The following TRDN variants were observed in gnomAD, a reference collection of about 807,000 sequenced individuals.
The protein encoded by TRDN is triadin, also known as triadin in skeletal muscle.
Under a neutral mutation model 149.7 loss-of-function variants are expected in TRDN, and 161 were observed. The observed-to-expected ratio is 1.08, with a 90% CI of 0.95 to 1.23. TRDN has a LOEUF of 1.23. TRDN is among the 50% of genes most tolerant of loss of function. TRDN has a pLI of 0.00. For synonymous variants in TRDN, 294 were observed against 250.5 expected (o/e 1.17, Z -1.64); for missense variants, 896 against 823.5 (o/e 1.09, Z -1.08).
At chr6:123,325,065 T>C (rs1180426114) in intron 23 of TRDN, among the ~76,000 whole-genome samples, 1 of 152,166 alleles carries the variant, frequency 6.6e-6, no homozygotes, top group Non-Finnish European at 1.5e-5. Flanking sequence ...TCTTCCTTCA[T>C]GCCTAGCAAA....
At chr6:123,530,846 A>C (rs1465295875) in intron 4 of TRDN, among the ~76,000 whole-genome samples, 1 of 151,914 alleles carries the variant, frequency 6.6e-6, no homozygotes, top group Non-Finnish European at 1.5e-5. Context: ...TCAGTGCTAA[A>C]ATTGGTCACA....
At chr6:123,427,637 TAAA>T (rs1774176651) in intron 12 of TRDN, among the ~76,000 whole-genome samples, 1 of 152,098 alleles carries the variant, frequency 6.6e-6, no homozygotes, top group African/African-American at 2.4e-5. Context: ...TTAGGGATAA[TAAA>T]AAGTAAGTCT....
rs371968756 is a variant in TRDN, at chr6:123,525,503, A to T, written c.484+5003T>A. Among the ~76,000 whole-genome samples, 3 of 152,174 alleles carry T rather than the reference A, an allele frequency of 2.0e-5. No individual in the cohort carries two copies. In the East Asian group the frequency reaches 5.8e-4, roughly 29 times the overall value. On this transcript the variant is annotated intron_variant, in intron 5 of 40. Transcript: ENST00000334268. Reference sequence around the variant, plus strand: ...TCACTTACAATTGCTACACATAGACATAAAGACGGAAATAACAGACACTAG... The same window carrying T: ...TCACTTACAATTGCTACACATAGACTTAAAGACGGAAATAACAGACACTAG...
intron 8 of TRDN, among the ~76,000 whole-genome samples, chr6:123,497,813 G>C (rs1050298768): frequency 1.3e-5 from 2 of 152,136 alleles, no homozygotes; most frequent in African/African-American, 4.8e-5. Flanking sequence ...ATCAAGAACA[G>C]AGTAACAGAA....
intron 12 of TRDN, among the ~76,000 whole-genome samples, chr6:123,424,529 T>C (rs1196635348): frequency 6.6e-6 from 1 of 152,180 alleles, no homozygotes; most frequent in East Asian, 1.9e-4. Context: ...CGCTAATTGG[T>C]CTTGTCATTT....
At chr6:123,447,891 G>A (rs1775489040) in intron 10 of TRDN, among the ~76,000 whole-genome samples, 2 of 152,140 alleles carry the variant, frequency 1.3e-5, no homozygotes. Context: ...TGCAGGACCT[G>A]GGAGTCACCT....
At chr6:123,552,691 G>A (rs1781457485) in intron 2 of TRDN, among the ~76,000 whole-genome samples, 1 of 152,116 alleles carries the variant, frequency 6.6e-6, no homozygotes, top group South Asian at 2.1e-4. Context: ...AACTCTGCCT[G>A]AAAATATTAT....
Position 123,217,736 on chromosome 6 carries a change from A to G in TRDN, c.*865T>C, listed in dbSNP as rs1465087995. ...CACAGAAAGAATGTATTAAAGTGAA[A>G]TGAAAATATTTTTATATTTGTCACC... is the stretch of plus-strand genomic sequence containing the variant. On this transcript the variant is annotated 3_prime_UTR_variant, in exon 41 of 41. Coordinates refer to ENST00000334268, the MANE Select transcript of TRDN (RefSeq NM_006073.4). The G allele has an allele frequency of 6.6e-6, 1 of 152,066 alleles. No individual in the cohort carries two copies. The highest frequency in any genetic ancestry group is 6.6e-5 in the Admixed American group (1 of 15,228). The allele number at this position is 152,066 out of a possible 1,614,324, so 9.4% of individuals were successfully genotyped here.
intron 31 of TRDN, 123 bp from the exon 32 acceptor site, chr6:123,267,874 A>T: frequency 1.5e-6 from 1 of 671,474 alleles, no homozygotes. Context: ...ATTTTCATGT[A>T]ATTTGAAACA....
At chr6:123,561,122 G>T (rs1227860391) in intron 2 of TRDN, among the ~76,000 whole-genome samples, 1 of 152,124 alleles carries the variant, frequency 6.6e-6, no homozygotes, top group Admixed American at 6.5e-5. Context: ...GTCTGAGAAG[G>T]CCACTGTGGT....
chr6:123,491,468 A>G (rs931438188), intron 9 of TRDN, among the ~76,000 whole-genome samples: 33 of 152,168 alleles, frequency 2.2e-4, no homozygotes, highest in African/African-American at 7.5e-4. Flanking sequence ...TTGTTTTACT[A>G]TATTTAAATT....
At chr6:123,409,154 A>C (rs1485643381) in intron 12 of TRDN, among the ~76,000 whole-genome samples, 1 of 152,182 alleles carries the variant, frequency 6.6e-6, no homozygotes, top group Non-Finnish European at 1.5e-5. Flanking sequence ...CTTCTCTTTC[A>C]CACTAACTAC....
At chr6:123,604,469 T>C (rs1279761956) in intron 1 of TRDN, among the ~76,000 whole-genome samples, 2 of 152,192 alleles carry the variant, frequency 1.3e-5, no homozygotes, top group African/African-American at 4.8e-5. Flanking sequence ...CTGGACTTCA[T>C]AACAAACAAC....
intron 9 of TRDN, among the ~76,000 whole-genome samples, chr6:123,480,213 A>C (rs1777682063): frequency 1.3e-5 from 2 of 150,848 alleles, no homozygotes; most frequent in African/African-American, 4.9e-5. Flanking sequence ...ATCATTAAAA[A>C]TGACTGACTT....
intron 21 of TRDN, among the ~76,000 whole-genome samples, chr6:123,343,940 T>C (rs1780158605): frequency 6.6e-6 from 1 of 151,934 alleles, no homozygotes; most frequent in South Asian, 2.1e-4. Flanking sequence ...CATGGAACCC[T>C]CATTAATCAA....
At position 123,592,755 on chromosome 6, in the gene TRDN, G is replaced by C. The variant is rs946969515; in HGVS notation, c.23-21623C>G. Among the ~76,000 whole-genome samples, 13 of 152,064 alleles carry C rather than the reference G, an allele frequency of 8.5e-5. No homozygotes were observed. In the East Asian group the frequency reaches 2.1e-3, roughly 25 times the overall value. On this transcript the variant is annotated intron_variant, in intron 1 of 40. Coordinates refer to ENST00000334268, the MANE Select transcript of TRDN (RefSeq NM_006073.4). ...GTAAAATAGGCTTTATAAAATTGTGGTTGCTTTAGAGCTCATGTTTTTGGA... is the reference window on the plus strand; with the variant it reads ...GTAAAATAGGCTTTATAAAATTGTGCTTGCTTTAGAGCTCATGTTTTTGGA...
intron 12 of TRDN, among the ~76,000 whole-genome samples, chr6:123,418,842 G>C (rs1240386216): frequency 6.6e-6 from 1 of 152,132 alleles, no homozygotes; most frequent in East Asian, 1.9e-4. Context: ...GCTCATGGCT[G>C]CTTTTTTTAT....
At position 123,636,725 on chromosome 6, in the gene TRDN, T is replaced by C. The variant is rs774068079; in HGVS notation, c.22+29A>G. ...CGATTTGCATATTTTTTTTCCTTACTTGATACTATCGGAAAATGGTAGCAA... is the reference window on the plus strand; with the variant it reads ...CGATTTGCATATTTTTTTTCCTTACCTGATACTATCGGAAAATGGTAGCAA... On this transcript the variant is annotated intron_variant, in intron 1 of 40. Coordinates refer to ENST00000334268, the MANE Select transcript of TRDN (RefSeq NM_006073.4). 81 of 1,610,668 alleles carry C rather than the reference T, an allele frequency of 5.0e-5. No homozygotes were observed. Among genetic ancestry groups the C allele is most frequent in the Non-Finnish European group, 6.7e-5 (79 of 1,177,940 alleles).
rs565419074 is a variant in TRDN, at chr6:123,421,176, T to C, written c.1051+16887A>G. ...GTTGCTATATACTGGGTGAATTTCC[T>C]TTATAATGCTTTCCGTGGCTCTCTC... On this transcript the variant is annotated intron_variant, in intron 12 of 40. Transcript: ENST00000334268. Among the ~76,000 whole-genome samples the C allele has an allele frequency of 2.0e-5, 3 of 152,318 alleles. No individual in the cohort carries two copies. The South Asian group carries it at 6.2e-4, about 32-fold the overall frequency.
Sources: allele counts gnomAD v4.1 joint callset (sites outside exome capture counted in the v4.1 genomes callset), GRCh38; gene constraint gnomAD v4.1.1; transcripts MANE v1.5; gene names NCBI Gene and HGNC (gene_info 2026-07-23, HGNC 2026-07-21).